ADAMTSL3: variants seen among roughly 807,000 people sequenced by gnomAD.
The protein encoded by ADAMTSL3 is ADAMTS like 3, also known as ADAMTS-like protein 3.
Under a neutral mutation model 201.7 loss-of-function variants are expected in ADAMTSL3, and 128 were observed. The ratio of observed to expected loss-of-function variants is 0.63; its 90% CI spans 0.55 to 0.73. The LOEUF (loss-of-function observed/expected upper bound fraction) is 0.73. Ranked by LOEUF, ADAMTSL3 falls within the 30% of genes least tolerant of loss-of-function variation. The probability of loss-of-function intolerance (pLI) is 0.00; values close to 1 mark genes in which losing one functional copy is unlikely to be tolerated. For missense variants in ADAMTSL3, 1,990 were observed against 2,119.6 expected (o/e 0.94, Z 1.20); for synonymous variants, 738 against 748.4 (o/e 0.99, Z 0.23).
intron 4 of ADAMTSL3, among the ~76,000 whole-genome samples, chr15:83,779,277 A>G (rs566723768): frequency 6.6e-6 from 1 of 152,338 alleles, no homozygotes; most frequent in South Asian, 2.1e-4. Context: ...ATAGACATCT[A>G]CAGAACTCTC....
At chr15:83,726,079 C>T (rs1049699336) in intron 3 of ADAMTSL3, among the ~76,000 whole-genome samples, 11 of 151,972 alleles carry the variant, frequency 7.2e-5, no homozygotes, top group Admixed American at 2.6e-4. Flanking sequence ...CTTGCATCAA[C>T]GTTTCGTCGT....
chr15:83,944,037 ATGTCC>A (rs1446467583), intron 19 of ADAMTSL3, among the ~76,000 whole-genome samples: 4 of 152,174 alleles, frequency 2.6e-5, no homozygotes, highest in African/African-American at 9.7e-5. Flanking sequence ...GGAATGATTC[ATGTCC>A]TGGGCAGATG....
intron 2 of ADAMTSL3, among the ~76,000 whole-genome samples, chr15:83,685,448 G>A (rs2061523340): frequency 6.6e-6 from 1 of 152,170 alleles, no homozygotes; most frequent in South Asian, 2.1e-4. Flanking sequence ...AGAAATATTT[G>A]TTGAATCAGT....
At position 83,770,080 on chromosome 15, in the gene ADAMTSL3, C is replaced by T. The variant is rs183375817; in HGVS notation, c.190-3443C>T. ...AGAAACAGCAACAACAACAAAAATACGTTAAAGTCACCCAAATCCCTCACA... is the reference window on the plus strand; with the variant it reads ...AGAAACAGCAACAACAACAAAAATATGTTAAAGTCACCCAAATCCCTCACA... On this transcript the variant is annotated intron_variant, in intron 3 of 29. Coordinates refer to ENST00000286744, the MANE Select transcript of ADAMTSL3 (RefSeq NM_207517.3). 3.7e-3 allele frequency among the ~76,000 whole-genome samples: 555 copies of T among 151,996 alleles called. 6 individuals are homozygous for T. Among genetic ancestry groups the T allele is most frequent in the Non-Finnish European group, 3.2e-3 (220 of 67,978 alleles).
chr15:84,020,340 A>G (rs1374946413), intron 25 of ADAMTSL3, among the ~76,000 whole-genome samples: 2 of 152,210 alleles, frequency 1.3e-5, no homozygotes, highest in Admixed American at 1.3e-4. Context: ...GCAAATAAAA[A>G]TATCAACTTC....
intron 2 of ADAMTSL3, among the ~76,000 whole-genome samples, chr15:83,691,183 G>A (rs2061603442): frequency 6.6e-6 from 1 of 151,938 alleles, no homozygotes; most frequent in Admixed American, 6.6e-5. Flanking sequence ...TTGACTGCTG[G>A]GTATTTTTCT....
In ADAMTSL3 at chr15:83,899,678, G is replaced by C; in HGVS notation, c.1647G>C (p.Trp549Cys). 6.2e-7 allele frequency: 1 copy of C among 1,612,188 alleles called. No homozygotes were observed. The highest frequency in any genetic ancestry group is 8.5e-7 in the Non-Finnish European group (1 of 1,178,840). ...EKSPVEAKLP[W>C]LKQAQELEET... ...GTCCAGTGGAAGCAAAATTGCCTTG[G>C]CTGAAACAAGCACAAGAACTAGAAG... Residue 549 changes from tryptophan to cysteine, a missense_variant, in exon 15 of 30, where the codon TGG (tryptophan) becomes TGC (cysteine). Physicochemically the swap from Trp to Cys is radical, Grantham distance 215. Coordinates refer to ENST00000286744, the MANE Select transcript of ADAMTSL3 (RefSeq NM_207517.3).
At chr15:83,740,104 C>A in intron 3 of ADAMTSL3, 1 of 285,952 alleles carries the variant, frequency 3.5e-6, no homozygotes. Context: ...CCGGTGGCCA[C>A]TTACACCATT....
At chr15:83,688,003 A>C (rs2061560909) in intron 2 of ADAMTSL3, among the ~76,000 whole-genome samples, 1 of 152,250 alleles carries the variant, frequency 6.6e-6, no homozygotes, top group Non-Finnish European at 1.5e-5. Context: ...ACAAAGTGTA[A>C]AGCATGAGGG....
chr15:83,742,165 G>A (rs2141640597), intron 3 of ADAMTSL3, among the ~76,000 whole-genome samples: 1 of 152,206 alleles, frequency 6.6e-6, no homozygotes, highest in African/African-American at 2.4e-5. Flanking sequence ...TTAGAAATAT[G>A]TAACCAAAGT....
intron 10 of ADAMTSL3, among the ~76,000 whole-genome samples, chr15:83,886,023 C>G (rs1388592665): frequency 2.6e-5 from 4 of 152,136 alleles, no homozygotes; most frequent in Non-Finnish European, 5.9e-5. Flanking sequence ...TGTGCCCAGC[C>G]TTTTTCAAGG....
chr15:83,907,322 TC>T (rs772718589), intron 15 of ADAMTSL3, among the ~76,000 whole-genome samples: 4 of 152,226 alleles, frequency 2.6e-5, no homozygotes, highest in Non-Finnish European at 5.9e-5. Flanking sequence ...ATAATTTTTA[TC>T]ATAAACATCT....
rs1201365283 is a variant in ADAMTSL3 at position 83,943,068 on chromosome 15, G to A, written c.2476G>A (p.Gly826Arg). 3 of 1,611,362 alleles carry A rather than the reference G, an allele frequency of 1.9e-6. No homozygotes were observed. In the South Asian group the frequency reaches 3.3e-5, roughly 18 times the overall value. The change falls in exon 19 of 30, where the codon GGA becomes AGA. Residue 826 changes from glycine (G) to arginine (R), a missense_variant. Coordinates refer to ENST00000286744, the MANE Select transcript of ADAMTSL3 (RefSeq NM_207517.3). ...RTDCPPHLAV[G>R]DWSKCSVSCG... ...AGACTGTCCTCCACATTTAGCTGTG[G>A]GAGACTGGTCGAAGGTAAGGGCCAG...
chr15:83,923,974 T>TA lies in ADAMTSL3; in HGVS notation c.2059dup (p.Met687AsnfsTer13). 1 of 1,614,168 alleles carries TA rather than the reference T, an allele frequency of 6.2e-7. No homozygotes were observed. The highest frequency in any genetic ancestry group is 1.1e-5 in the South Asian group (1 of 91,080). ...AGACAGTCAATGACAGCTTGTGTGA[T>TA]ATGGTCCACCGTCCTCCAGCCATGA... is the stretch of plus-strand genomic sequence containing the variant. On this transcript the variant is annotated frameshift_variant, in exon 17 of 30. Coordinates refer to ENST00000286744, the MANE Select transcript of ADAMTSL3 (RefSeq NM_207517.3). LOFTEE classifies it high-confidence loss of function.
In ADAMTSL3 at chr15:83,654,610, G is replaced by A. The variant is rs1186591384; in HGVS notation, c.-34+334G>A. ...GAGTTACTAAGCAGAAACCTCGCGG[G>A]TCCGAAGGTCCGGCCGGTTGACCAC... is the stretch of plus-strand genomic sequence containing the variant. On this transcript the variant is annotated intron_variant, in intron 1 of 29. Transcript: ENST00000286744. This position sits in a 1 kb window ranked among gnomAD's most constrained non-coding sequence, Gnocchi z 5.3. Among the ~76,000 whole-genome samples the A allele has an allele frequency of 6.6e-6, 1 of 152,162 alleles. No homozygotes were observed. The highest frequency in any genetic ancestry group is 2.4e-5 in the African/African-American group (1 of 41,454).
In ADAMTSL3 at chr15:83,764,845, A is replaced by G. The variant is rs78641550; in HGVS notation, c.190-8678A>G. On this transcript the variant is annotated intron_variant, in intron 3 of 29. Transcript: ENST00000286744. ...AAATAATGAAAAATGTTGTGTGCTC[A>G]GCATATGGGATATGTGGTGCTAGCA... 9.2e-3 allele frequency among the ~76,000 whole-genome samples: 1,408 copies of G among 152,304 alleles called. 14 individuals are homozygous for G. Among genetic ancestry groups the G allele is most frequent in the Non-Finnish European group, 0.015 (1,051 of 68,034 alleles).
chr15:83,984,968 G>C (rs2067448458), intron 21 of ADAMTSL3, among the ~76,000 whole-genome samples: 1 of 152,150 alleles, frequency 6.6e-6, no homozygotes, highest in African/African-American at 2.4e-5. Flanking sequence ...ACTAAAACTA[G>C]ACAAAGGGTC....
At chr15:83,932,355 A>G (rs907399354) in intron 17 of ADAMTSL3, among the ~76,000 whole-genome samples, 34 of 152,218 alleles carry the variant, frequency 2.2e-4, no homozygotes, top group Admixed American at 2.0e-3. Context: ...CAGAAGACAA[A>G]AACAAGCTGA....
chr15:83,725,979 T>A (rs574780399), intron 3 of ADAMTSL3, among the ~76,000 whole-genome samples: 1 of 152,312 alleles, frequency 6.6e-6, no homozygotes, highest in South Asian at 2.1e-4. Context: ...TAGATGACTT[T>A]TGGTATTATG....
Sources: gnomAD v4.1 joint callset for allele counts (sites outside exome capture counted in the v4.1 genomes callset) on GRCh38, gnomAD v4.1.1 for gene constraint, Gnocchi (gnomAD v3.1) non-coding constraint, MANE v1.5 for transcripts, NCBI Gene and HGNC (gene_info 2026-07-23, HGNC 2026-07-21) for gene names.